The following ITPR2 variants were observed in gnomAD, a reference collection of about 807,000 sequenced individuals.
The protein encoded by ITPR2 is inositol 1,4,5-trisphosphate receptor type 2, also known as inositol 1,4,5-trisphosphate-gated calcium channel ITPR2.
ITPR2 carries 207 observed loss-of-function variants against 317.1 expected under a neutral mutation model. That is an observed-to-expected ratio of 0.65 (90% CI 0.58 to 0.73). ITPR2 has a LOEUF of 0.73. ITPR2 is among the 30% of genes least tolerant of loss of function. ITPR2 has a pLI of 0.00. For missense variants in ITPR2, 2,613 were observed against 3,284.0 expected (o/e 0.80, Z 4.99); for synonymous variants, 1,156 against 1,149.1 (o/e 1.01, Z -0.12).
chr12:26,773,439 C>T (rs1949906095), intron 2 of ITPR2, among the ~76,000 whole-genome samples: 1 of 152,140 alleles, frequency 6.6e-6, no homozygotes, highest in Non-Finnish European at 1.5e-5. Flanking sequence ...AAAATTAACC[C>T]CAGAACACAG....
At chr12:26,379,578 G>A (rs945328275) in intron 55 of ITPR2, among the ~76,000 whole-genome samples, 2 of 152,070 alleles carry the variant, frequency 1.3e-5, no homozygotes, top group African/African-American at 4.8e-5. Flanking sequence ...CCTCTCATAA[G>A]CCCTCCAAAT....
At chr12:26,680,636 G>A (rs954047252) in intron 13 of ITPR2, among the ~76,000 whole-genome samples, 5 of 152,156 alleles carry the variant, frequency 3.3e-5, no homozygotes, top group African/African-American at 1.2e-4. Flanking sequence ...AGAATGTTGT[G>A]TCTAGTTTTC....
chr12:26,499,196 T>A (rs1943017355), intron 37 of ITPR2, among the ~76,000 whole-genome samples: 1 of 152,132 alleles, frequency 6.6e-6, no homozygotes, highest in East Asian at 1.9e-4. Flanking sequence ...AAAATAAGCA[T>A]CATATTTGTG....
rs2136727937 is a variant in ITPR2, at chr12:26,439,110, C to A, written c.6643+17G>T. 6.5e-7 allele frequency: 1 copy of A among 1,529,132 alleles called. No individual in the cohort carries two copies. The highest frequency in any genetic ancestry group is 1.2e-5 in the South Asian group (1 of 84,688). The allele number at this position is 1,529,132 out of a possible 1,614,324, so 94.7% of individuals were successfully genotyped here. On this transcript the variant is annotated intron_variant, in intron 47 of 56. Coordinates refer to ENST00000381340, the MANE Select transcript of ITPR2 (RefSeq NM_002223.4). ...CCACTATGCACAAAACTAACCATTTCAGTTTACTGTACTTACTCCTGATTT... is the reference window on the plus strand; with the variant it reads ...CCACTATGCACAAAACTAACCATTTAAGTTTACTGTACTTACTCCTGATTT...
At chr12:26,638,828 T>C (rs1946917263) in intron 21 of ITPR2, among the ~76,000 whole-genome samples, 1 of 152,054 alleles carries the variant, frequency 6.6e-6, no homozygotes, top group South Asian at 2.1e-4. Context: ...AAATCCAACA[T>C]GGTAAATTCA....
chr12:26,685,345 C>T (rs565169814), intron 11 of ITPR2, among the ~76,000 whole-genome samples: 6 of 152,294 alleles, frequency 3.9e-5, no homozygotes, highest in African/African-American at 1.2e-4. Flanking sequence ...CCTGTAATCT[C>T]GGCATTTTGA....
intron 2 of ITPR2, among the ~76,000 whole-genome samples, chr12:26,783,044 G>A (rs1231711330): frequency 2.0e-5 from 3 of 152,146 alleles, no homozygotes; most frequent in Non-Finnish European, 4.4e-5. Flanking sequence ...GAGGCAAAAG[G>A]TTAGGCCCAG....
At chr12:26,499,267 A>C (rs985150710) in intron 37 of ITPR2, among the ~76,000 whole-genome samples, 2 of 152,232 alleles carry the variant, frequency 1.3e-5, no homozygotes, top group African/African-American at 4.8e-5. Flanking sequence ...CATAGACATC[A>C]AAATCAAACG....
chr12:26,488,969 G>T (rs1017538723), intron 39 of ITPR2, among the ~76,000 whole-genome samples: 1 of 152,072 alleles, frequency 6.6e-6, no homozygotes, highest in African/African-American at 2.4e-5. Flanking sequence ...AACTAGTAAG[G>T]GGTAGAGCTA....
intron 2 of ITPR2, among the ~76,000 whole-genome samples, chr12:26,784,601 C>T (rs1950176120): frequency 1.3e-5 from 2 of 151,750 alleles, no homozygotes; most frequent in South Asian, 2.1e-4. Flanking sequence ...GCCTCGGCCT[C>T]CCGAGGTGCC....
At chr12:26,476,277 C>A (rs1942415031) in intron 44 of ITPR2, among the ~76,000 whole-genome samples, 1 of 152,190 alleles carries the variant, frequency 6.6e-6, no homozygotes, top group Non-Finnish European at 1.5e-5. Flanking sequence ...GGGGCTTAAT[C>A]ATCAGGGCAC....
chr12:26,431,746 T>C (rs1344696468), intron 48 of ITPR2, among the ~76,000 whole-genome samples: 1 of 152,170 alleles, frequency 6.6e-6, no homozygotes, highest in East Asian at 1.9e-4. Context: ...GTTAATATCA[T>C]AACCCAAGTG....
intron 45 of ITPR2, among the ~76,000 whole-genome samples, chr12:26,454,363 A>T (rs1591798923): frequency 6.6e-6 from 1 of 151,858 alleles, no homozygotes; most frequent in Non-Finnish European, 1.5e-5. Flanking sequence ...CACCACCATG[A>T]CCAGCTAATT....
chr12:26,557,831 C>T (rs1436406348), intron 35 of ITPR2, among the ~76,000 whole-genome samples: 3 of 151,948 alleles, frequency 2.0e-5, no homozygotes, highest in African/African-American at 7.3e-5. Context: ...GTTAAAGCAC[C>T]CCCATTTTAT....
chr12:26,447,506 C>A (rs1026549098), intron 45 of ITPR2, among the ~76,000 whole-genome samples: 1 of 138,054 alleles, frequency 7.2e-6, no homozygotes, highest in South Asian at 2.5e-4. Flanking sequence ...CAGTATGGGT[C>A]CAAGTAAGGA....
intron 55 of ITPR2, among the ~76,000 whole-genome samples, chr12:26,341,051 C>T (rs1486744457): frequency 1.3e-5 from 2 of 152,168 alleles, no homozygotes; most frequent in African/African-American, 4.8e-5. Context: ...TTCTTCAAGA[C>T]TCTGCTCGAT....
chr12:26,538,751 GT>G (rs1944172944), intron 37 of ITPR2, among the ~76,000 whole-genome samples: 1 of 151,664 alleles, frequency 6.6e-6, no homozygotes, highest in African/African-American at 2.4e-5. Context: ...TAATTTTTGT[GT>G]TTTTAGTAGA....
chr12:26,605,239 G>A (rs1466309593), intron 26 of ITPR2, among the ~76,000 whole-genome samples: 3 of 151,660 alleles, frequency 2.0e-5, no homozygotes, highest in Non-Finnish European at 4.4e-5. Context: ...GATGGAAAGA[G>A]GCTAGAGGTC....
rs1343613132 is a variant in ITPR2 at position 26,695,664 on chromosome 12, G to A, written c.952-14C>T. The A allele has an allele frequency of 1.2e-6, 2 of 1,605,318 alleles. No homozygotes were observed. Among genetic ancestry groups the A allele is most frequent in the South Asian group, 1.1e-5 (1 of 90,620 alleles). Reference sequence around the variant, plus strand: ...ATCAGGATTAAGCTAGAAAAACAAAGGAAAATTTAGTTTTTCATTGCTATG... The same window carrying A: ...ATCAGGATTAAGCTAGAAAAACAAAAGAAAATTTAGTTTTTCATTGCTATG... On this transcript the variant is annotated splice_polypyrimidine_tract_variant and intron_variant, in intron 9 of 56. Coordinates refer to ENST00000381340, the MANE Select transcript of ITPR2 (RefSeq NM_002223.4).
Sources: allele counts gnomAD v4.1 joint callset (sites outside exome capture counted in the v4.1 genomes callset), GRCh38; gene constraint gnomAD v4.1.1; transcripts MANE v1.5; gene names NCBI Gene and HGNC (gene_info 2026-07-23, HGNC 2026-07-21).